CEP83: variants seen among roughly 807,000 people sequenced by gnomAD.
CEP83 encodes the protein centrosomal protein of 83 kDa.
A neutral mutation model predicts 101.9 loss-of-function variants in CEP83; 70 were observed. That is an observed-to-expected ratio of 0.69 (90% CI 0.57 to 0.84). The LOEUF (loss-of-function observed/expected upper bound fraction) is 0.84. CEP83 is among the 40% of genes least tolerant of loss of function. The probability of loss-of-function intolerance (pLI) is 0.00; values close to 1 mark genes in which losing one functional copy is unlikely to be tolerated. For missense variants in CEP83, 715 were observed against 787.2 expected, an observed-to-expected ratio of 0.91 and a Z score of 1.10; for synonymous variants, 264 against 267.9, an observed-to-expected ratio of 0.99 and a Z score of 0.14.
At chr12:94,368,424 A>G (rs2137019409) in intron 9 of CEP83, 1 of 459,020 alleles carries the variant, frequency 2.2e-6, no homozygotes, top group Middle Eastern at 5.7e-4. Context: ...TATTTAGTGC[A>G]TACACATATA....
chr12:94,383,619 G>A (rs2061970937), intron 6 of CEP83, among the ~76,000 whole-genome samples: 2 of 152,070 alleles, frequency 1.3e-5, no homozygotes, highest in African/African-American at 4.8e-5. Flanking sequence ...TTTAATTCAT[G>A]TATTCAGACC....
intron 6 of CEP83, among the ~76,000 whole-genome samples, chr12:94,381,626 T>C (rs1295348042): frequency 1.3e-5 from 2 of 152,124 alleles, no homozygotes; most frequent in East Asian, 3.8e-4. Context: ...CGATATAACA[T>C]AGGGATATGG....
intron 8 of CEP83, among the ~76,000 whole-genome samples, chr12:94,372,367 C>A (rs1296218289): frequency 6.6e-6 from 1 of 152,148 alleles, no homozygotes; most frequent in Non-Finnish European, 1.5e-5. Flanking sequence ...TGTTTTAATA[C>A]TTAAACTTTC....
intron 8 of CEP83, among the ~76,000 whole-genome samples, chr12:94,371,362 G>T (rs1337208880): frequency 2.0e-5 from 3 of 152,202 alleles, no homozygotes; most frequent in Admixed American, 6.5e-5. Flanking sequence ...AATGTGTATA[G>T]ACTGTGTCTG....
the CEP83 span, among the ~76,000 whole-genome samples, chr12:94,279,022 G>A: frequency 7.3e-5 from 11 of 151,150 alleles, no homozygotes; most frequent in African/African-American, 2.4e-4. Context: ...CCTCTGGCAT[G>A]GTCAATATGG....
chr12:94,325,472 C>A (rs533747160), intron 14 of CEP83, among the ~76,000 whole-genome samples: 1 of 152,202 alleles, frequency 6.6e-6, no homozygotes, highest in South Asian at 2.1e-4. Context: ...CGCACCCAGC[C>A]TACTCCTGTC....
At position 94,340,838 on chromosome 12, in the gene CEP83, G is replaced by A. The variant is rs538696305; in HGVS notation, c.1344-5174C>T. 5.0e-4 allele frequency among the ~76,000 whole-genome samples: 76 copies of A among 152,302 alleles called. 1 individual carries two copies. The highest frequency in any genetic ancestry group is 1.8e-3 in the African/African-American group (75 of 41,564). On this transcript the variant is annotated intron_variant, in intron 11 of 16. Coordinates refer to ENST00000397809, the MANE Select transcript of CEP83 (RefSeq NM_016122.3). ...CACAGAGATAGGACAGCAGACAAAC[G>A]AGAGAGATAATAAGAGAGGAGAGAG...
At chr12:94,404,185 A>G (rs181382977) in intron 4 of CEP83, among the ~76,000 whole-genome samples, 3 of 152,186 alleles carry the variant, frequency 2.0e-5, no homozygotes, top group Non-Finnish European at 4.4e-5. Flanking sequence ...CATGAAGCAC[A>G]TATCTCCCCA....
At chr12:94,323,622 A>G (rs1364514585) in intron 14 of CEP83, among the ~76,000 whole-genome samples, 1 of 152,156 alleles carries the variant, frequency 6.6e-6, no homozygotes, top group Non-Finnish European at 1.5e-5. Context: ...TCTCTCCATG[A>G]AAGTGGCACA....
At chr12:94,366,915 T>C (rs145071260) in intron 11 of CEP83, among the ~76,000 whole-genome samples, 141 of 152,136 alleles carry the variant, frequency 9.3e-4, no homozygotes, top group African/African-American at 3.3e-3. Flanking sequence ...GATCTTCCAA[T>C]AGCCAAATCT....
chr12:94,446,030 T>C (rs1485804111), intron 1 of CEP83, among the ~76,000 whole-genome samples: 1 of 152,240 alleles, frequency 6.6e-6, no homozygotes, highest in Non-Finnish European at 1.5e-5. Flanking sequence ...ACAAAAGCAC[T>C]CTTATCAAGC....
At chr12:94,433,127 A>T (rs10450731) in intron 2 of CEP83, among the ~76,000 whole-genome samples, 30,773 of 152,160 alleles carry the variant, frequency 0.2, 3,414 homozygotes, top group African/African-American at 0.29. Flanking sequence ...GGTAGGGCCT[A>T]GAAGGCCACA....
intron 6 of CEP83, among the ~76,000 whole-genome samples, chr12:94,381,754 T>C (rs1221746655): frequency 6.6e-6 from 1 of 152,148 alleles, no homozygotes; most frequent in Non-Finnish European, 1.5e-5. Context: ...TCTGTCGTCA[T>C]TATCTGTTCC....
At position 94,333,601 on chromosome 12, in the gene CEP83, T is replaced by C. The variant is rs756085442; in HGVS notation, c.1458A>G (p.Ala486=). ...SSLQIQVTSL[A]QSENDLLNSN... ...AATTCAGCAAGTCATTCTCTGACTG[T>C]GCAAGTGAAGTCACTTGGATCTGCA... Residue 486 remains alanine (A), a synonymous_variant, in exon 13 of 17, where the codon GCA becomes GCG. Coordinates refer to ENST00000397809, the MANE Select transcript of CEP83 (RefSeq NM_016122.3). 1.2e-6 allele frequency: 2 copies of C among 1,613,700 alleles called. No homozygotes were observed. Among genetic ancestry groups the C allele is most frequent in the Admixed American group, 1.7e-5 (1 of 59,968 alleles).
chr12:94,357,664 C>A (rs1006270755), intron 11 of CEP83, among the ~76,000 whole-genome samples: 2 of 152,180 alleles, frequency 1.3e-5, no homozygotes, highest in Non-Finnish European at 2.9e-5. Context: ...GCCTGGGGAA[C>A]CCCTGCAAAA....
In CEP83 at chr12:94,310,084, T is replaced by C; in HGVS notation, c.1835A>G (p.Tyr612Cys). The change falls in exon 16 of 17, where the codon TAT becomes TGT. Residue 612 changes from tyrosine to cysteine, a missense_variant. Coordinates refer to ENST00000397809, the MANE Select transcript of CEP83 (RefSeq NM_016122.3). Reference sequence around the variant, plus strand: ...TTTTAGTCTTTTTTGAAGCCTTGTATAGTCTTCAAAAGGAACATTTTGTCT... The same window carrying C: ...TTTTAGTCTTTTTTGAAGCCTTGTACAGTCTTCAAAAGGAACATTTTGTCT... ...LNRQNVPFED[Y>C]TRLQKRLKDI... is the part of the protein sequence containing the mutation. 6.3e-7 allele frequency: 1 copy of C among 1,580,164 alleles called. No homozygotes were observed. Among genetic ancestry groups the C allele is most frequent in the Non-Finnish European group, 8.7e-7 (1 of 1,154,268 alleles).
At chr12:94,432,994 A>T (rs2065752681) in intron 2 of CEP83, among the ~76,000 whole-genome samples, 1 of 152,240 alleles carries the variant, frequency 6.6e-6, no homozygotes, top group African/African-American at 2.4e-5. Context: ...AAACTTCACA[A>T]AGCAGCAGCT....
At chr12:94,410,408 T>G (rs73370367) in intron 4 of CEP83, among the ~76,000 whole-genome samples, 17,660 of 152,204 alleles carry the variant, frequency 0.12, 1,151 homozygotes, top group African/African-American at 0.18. Flanking sequence ...CTTGTTGAAG[T>G]TATCATCTTC....
chr12:94,358,696 C>T (rs1020463893), intron 11 of CEP83, among the ~76,000 whole-genome samples: 19 of 152,242 alleles, frequency 1.2e-4, no homozygotes, highest in Admixed American at 5.9e-4. Flanking sequence ...GGGAGCATTA[C>T]AGCCAGGATT....
Sources: allele counts gnomAD v4.1 joint callset (sites outside exome capture counted in the v4.1 genomes callset), GRCh38; gene constraint gnomAD v4.1.1; transcripts MANE v1.5; gene names NCBI Gene and HGNC (gene_info 2026-07-23, HGNC 2026-07-21).